The following SP140 variants were observed in gnomAD, a reference collection of about 807,000 sequenced individuals.
SP140 encodes the protein nuclear body protein SP140.
In SP140, 81 loss-of-function variants were observed where a neutral mutation model predicts 125.0. The ratio of observed to expected loss-of-function variants is 0.65; its 90% CI spans 0.54 to 0.78. The LOEUF (loss-of-function observed/expected upper bound fraction) is 0.78. SP140 is among the 30% of genes least tolerant of loss of function. SP140 has a pLI of 0.00. For synonymous variants in SP140, 312 were observed against 354.0 expected (o/e 0.88, Z 1.33); for missense variants, 858 against 1,037.0 (o/e 0.83, Z 2.37).
At chr2:230,305,264 G>T (rs1390751782) in intron 22 of SP140, among the ~76,000 whole-genome samples, 1 of 152,224 alleles carries the variant, frequency 6.6e-6, no homozygotes, top group Non-Finnish European at 1.5e-5. Context: ...ATAGGTGTTG[G>T]CATGGATGTG....
chr2:230,310,514 C>T lies in SP140; in HGVS notation c.2175-229C>T, dbSNP rs1421551629. On this transcript the variant is annotated intron_variant, in intron 23 of 26. Transcript: ENST00000392045. ...AGACAGAGAAAGGAGAGTCCACACT[C>T]ACGGTGACACCACCTTCCTCAGACT... 31 of 954,882 alleles carry T rather than the reference C, an allele frequency of 3.2e-5. No individual in the cohort carries two copies. The South Asian group carries it at 4.7e-4, about 15-fold the overall frequency. 59.2% of individuals were successfully genotyped at this position (954,882 alleles called of 1,614,324 possible). A position where few individuals can be genotyped will look rare whatever the true frequency, so the allele number is the denominator to read the frequency against.
At chr2:230,302,229 CAA>C (rs745810802) in intron 22 of SP140, among the ~76,000 whole-genome samples, 10 of 127,036 alleles carry the variant, frequency 7.9e-5, no homozygotes, top group Admixed American at 1.6e-4. Context: ...ACTAAAAATA[CAA>C]AAAAAAAAAA....
upstream of SP140, chr2:230,221,852 A>T: frequency 1.1e-6 from 1 of 903,736 alleles, no homozygotes. Context: ...GGGAAAATAA[A>T]GTCAATGTCA....
At position 230,245,074 on chromosome 2, in the gene SP140, G is replaced by C. The variant is rs1559242776; in HGVS notation, c.658G>C (p.Gly220Arg). The change falls in exon 6 of 27, where the codon GGG becomes CGG. Residue 220 changes from glycine to arginine, a missense_variant. Transcript: ENST00000392045. ...AGATGCACCCAGCCTACTACCAGGTGGGGGAGGTAATTATGATTTAAATGA... is the reference window on the plus strand; with the variant it reads ...AGATGCACCCAGCCTACTACCAGGTCGGGGAGGTAATTATGATTTAAATGA... ...AEDAPSLLPG[G>R]GVSCKLAIQI... is the part of the protein sequence containing the mutation. 1.2e-6 allele frequency: 2 copies of C among 1,608,344 alleles called. No homozygotes were observed. Among genetic ancestry groups the C allele is most frequent in the Non-Finnish European group, 8.5e-7 (1 of 1,175,168 alleles).
downstream of SP140, among the ~76,000 whole-genome samples, chr2:230,314,106 G>T (rs1398017209): frequency 6.6e-6 from 1 of 152,156 alleles, no homozygotes; most frequent in African/African-American, 2.4e-5. Flanking sequence ...GCTCAGGATG[G>T]TCTCTTATGC....
At chr2:230,289,990 AAGGC>A (rs1248402746) in intron 18 of SP140, among the ~76,000 whole-genome samples, 1 of 152,122 alleles carries the variant, frequency 6.6e-6, no homozygotes, top group Non-Finnish European at 1.5e-5. Context: ...ACAAAAATAG[AAGGC>A]AGACATCATC....
At chr2:230,290,612 C>A in intron 19 of SP140, 48 bp downstream of exon 19, 1 of 1,424,372 alleles carries the variant, frequency 7.0e-7, no homozygotes, top group Non-Finnish European at 9.8e-7. Flanking sequence ...CTGAAGGCAT[C>A]ACAAGTAGTG....
At chr2:230,217,838 A>G (rs2045393171) in intron 3 of SP140, among the ~76,000 whole-genome samples, 1 of 152,236 alleles carries the variant, frequency 6.6e-6, no homozygotes, top group Admixed American at 6.5e-5. Flanking sequence ...CCACCCTAAA[A>G]TGGGTAGAGT....
At chr2:230,242,502 A>G (rs1030731809) in intron 4 of SP140, among the ~76,000 whole-genome samples, 3 of 152,170 alleles carry the variant, frequency 2.0e-5, no homozygotes, top group African/African-American at 7.2e-5. Context: ...ACTCTAAATT[A>G]TCTTTAGAGT....
At chr2:230,206,595 T>TATATATATATATATATA (rs2043840701) in intron 1 of SP140, among the ~76,000 whole-genome samples, 1 of 70,508 alleles carries the variant, frequency 1.4e-5, no homozygotes, top group East Asian at 8.0e-4. Context: ...GGTCCAGATT[T>TATATATATATATATATA]TATATATATA....
At chr2:230,210,326 G>A (rs1192394303) in intron 1 of SP140, among the ~76,000 whole-genome samples, 1 of 152,340 alleles carries the variant, frequency 6.6e-6, no homozygotes, top group East Asian at 1.9e-4. Flanking sequence ...GGAATAAACT[G>A]TGCTGGGTAT....
At chr2:230,250,001 C>G (rs1156972970) in intron 9 of SP140, among the ~76,000 whole-genome samples, 1 of 152,226 alleles carries the variant, frequency 6.6e-6, no homozygotes, top group African/African-American at 2.4e-5. Context: ...CTCTTCCATC[C>G]ATGTGCCTGA....
chr2:230,207,347 T>C lies in SP140; in HGVS notation c.-323+4068T>C, dbSNP rs183714102. 1.4e-4 allele frequency among the ~76,000 whole-genome samples: 21 copies of C among 152,314 alleles called. No individual in the cohort carries two copies. In the East Asian group the frequency reaches 4.0e-3, roughly 29 times the overall value. On this transcript the variant is annotated intron_variant, in intron 1 of 4. Coordinates refer to the SP140 transcript ENST00000456542. ...ATATTGCTCTGGCTGATAAGCTGGT[T>C]GTGAATATCAGTAAAGAATTATTTT...
chr2:230,206,840 T>C (rs1304307112), intron 1 of SP140, among the ~76,000 whole-genome samples: 1 of 152,014 alleles, frequency 6.6e-6, no homozygotes, highest in African/African-American at 2.4e-5. Flanking sequence ...GCTATTTTTC[T>C]AGTTAATTAC....
At chr2:230,283,444 G>A (rs964905527) in intron 15 of SP140, among the ~76,000 whole-genome samples, 2 of 152,100 alleles carry the variant, frequency 1.3e-5, no homozygotes, top group Admixed American at 6.6e-5. Flanking sequence ...GAATCCCTAG[G>A]CACTTTGAAG....
upstream of SP140, among the ~76,000 whole-genome samples, chr2:230,198,912 G>C (rs1394842698): frequency 2.0e-5 from 3 of 152,124 alleles, no homozygotes; most frequent in African/African-American, 7.2e-5. Context: ...AGCATTTAGA[G>C]TCCTTCAGTG....
chr2:230,232,406 T>C (rs1559214845), intron 1 of SP140, among the ~76,000 whole-genome samples: 1 of 152,234 alleles, frequency 6.6e-6, no homozygotes, highest in Non-Finnish European at 1.5e-5. Context: ...CAGTTTGCCT[T>C]GTGACTTTGG....
At chr2:230,194,800 C>A in the SP140 span, among the ~76,000 whole-genome samples, 1 of 152,172 alleles carries the variant, frequency 6.6e-6, no homozygotes. Flanking sequence ...TTGTCTGATG[C>A]CTCATGTCCA....
chr2:230,276,753 CATA>C (rs1481932888), intron 15 of SP140, among the ~76,000 whole-genome samples: 9 of 152,102 alleles, frequency 5.9e-5, no homozygotes, highest in African/African-American at 1.9e-4. Flanking sequence ...TTTTACATGC[CATA>C]ATAACATTCA....
Sources: gnomAD v4.1 joint callset for allele counts (sites outside exome capture counted in the v4.1 genomes callset) on GRCh38, gnomAD v4.1.1 for gene constraint, MANE v1.5 for transcripts, NCBI Gene and HGNC (gene_info 2026-07-23, HGNC 2026-07-21) for gene names.